FOXP4: variants seen among roughly 807,000 people sequenced by gnomAD.
The protein encoded by FOXP4 is forkhead box protein P4.
FOXP4 carries 25 observed loss-of-function variants against 82.6 expected under a neutral mutation model. The observed-to-expected ratio is 0.30, with a 90% CI of 0.22 to 0.42. FOXP4 has a LOEUF of 0.42. FOXP4 is among the 10% of genes least tolerant of loss of function. The pLI, the probability that FOXP4 is intolerant of heterozygous loss-of-function variation, is 1.00. For synonymous variants in FOXP4, 415 were observed against 388.2 expected (o/e 1.07, Z -0.81); for missense variants, 785 against 900.9 (o/e 0.87, Z 1.65).
At chr6:41,597,977 C>T (rs775416377) in intron 16 of FOXP4, 27 bp downstream of exon 16, 2 of 1,439,706 alleles carry the variant, frequency 1.4e-6, no homozygotes, top group Admixed American at 2.5e-5. Context: ...GACCCCCACC[C>T]ACCCCAGCAC....
chr6:41,590,075 C>T lies in FOXP4; in HGVS notation c.1262C>T (p.Pro421Leu). 1 of 1,613,904 alleles carries T rather than the reference C, an allele frequency of 6.2e-7. No homozygotes were observed. Among genetic ancestry groups the T allele is most frequent in the Non-Finnish European group, 8.5e-7 (1 of 1,179,976 alleles). ...PPTSAAAPVT[P>L]LRPPGLGSAS... is the part of the protein sequence containing the mutation. The stretch of plus-strand genomic sequence containing the variant: ...ACCTCGGCCGCAGCCCCTGTCACCC[C>T]TCTACGGCCCCCTGGCCTGGGCTCT... Residue 421 changes from proline (P) to leucine (L), a missense_variant, in exon 11 of 17, where the codon CCT (proline) becomes CTT (leucine). This residue lies in a region of FOXP4 where 570 missense variants were observed against 634.0 expected (regional missense o/e 0.90). Coordinates refer to ENST00000307972, the MANE Select transcript of FOXP4 (RefSeq NM_001012426.2).
chr6:41,572,618 G>C (rs970321761), intron 2 of FOXP4, among the ~76,000 whole-genome samples: 2 of 152,134 alleles, frequency 1.3e-5, no homozygotes, highest in Non-Finnish European at 2.9e-5. Context: ...CCTAAATCCA[G>C]CCAGTTCCCA....
chr6:41,588,573 G>C, intron 8 of FOXP4, 71 bp from the exon 9 acceptor site: 1 of 1,454,132 alleles, frequency 6.9e-7, no homozygotes, highest in Non-Finnish European at 9.7e-7. Context: ...GGGATTAGAG[G>C]ATAGGATGGG....
chr6:41,555,107 G>T (rs1247572181), intron 1 of FOXP4, among the ~76,000 whole-genome samples: 4 of 152,074 alleles, frequency 2.6e-5, no homozygotes, highest in African/African-American at 7.2e-5. Flanking sequence ...AAATTAGGGT[G>T]TGGTGGCATG....
intron 3 of FOXP4, among the ~76,000 whole-genome samples, chr6:41,580,892 C>G (rs1045875927): frequency 6.6e-6 from 1 of 152,230 alleles, no homozygotes; most frequent in African/African-American, 2.4e-5. Context: ...CGTTCACCAT[C>G]CCTCTCCTCC....
At chr6:41,551,714 G>T (rs1321823941) in intron 1 of FOXP4, among the ~76,000 whole-genome samples, 1 of 152,224 alleles carries the variant, frequency 6.6e-6, no homozygotes, top group African/African-American at 2.4e-5. Flanking sequence ...AGGTAGGCAG[G>T]ACTGGTGGGA....
Position 41,593,608 on chromosome 6 carries a change from G to A in FOXP4, c.1537-1262G>A, listed in dbSNP as rs1345696237. 3.3e-5 allele frequency among the ~76,000 whole-genome samples: 5 copies of A among 152,226 alleles called. No homozygotes were observed. Among genetic ancestry groups the A allele is most frequent in the Non-Finnish European group, 5.9e-5 (4 of 68,038 alleles). On this transcript the variant is annotated intron_variant, in intron 13 of 16. Coordinates refer to ENST00000307972, the MANE Select transcript of FOXP4 (RefSeq NM_001012426.2). This position sits in a 1 kb window ranked among gnomAD's most constrained non-coding sequence, Gnocchi z 4.1. The stretch of plus-strand genomic sequence containing the variant: ...ATTCTCATTTGCAAAGCGGAGGATC[G>A]GAGCCCCGTAATGCGGGCAAATTTA...
chr6:41,597,267 T>G (rs1766899770), intron 15 of FOXP4, 25 bp downstream of exon 15: 1 of 1,611,386 alleles, frequency 6.2e-7, no homozygotes, highest in Non-Finnish European at 8.5e-7. Context: ...GCCCACCCAC[T>G]CACCTCTACC....
At chr6:41,560,706 G>A (rs553092483) in intron 1 of FOXP4, among the ~76,000 whole-genome samples, 1 of 152,304 alleles carries the variant, frequency 6.6e-6, no homozygotes, top group Non-Finnish European at 1.5e-5. Context: ...TTTGGGGGAA[G>A]AAAACGTCAA....
At chr6:41,550,911 A>G (rs1763960157) in intron 1 of FOXP4, among the ~76,000 whole-genome samples, 1 of 152,208 alleles carries the variant, frequency 6.6e-6, no homozygotes. Flanking sequence ...ACACGTCCTT[A>G]TGGAAGATTT....
intron 2 of FOXP4, among the ~76,000 whole-genome samples, chr6:41,568,293 A>G (rs570047384): frequency 6.6e-6 from 1 of 152,206 alleles, no homozygotes; most frequent in East Asian, 1.9e-4. Context: ...TTGTTATCTC[A>G]CCATCCCTGC....
At chr6:41,594,469 G>T (rs562856275) in intron 13 of FOXP4, among the ~76,000 whole-genome samples, 1 of 152,312 alleles carries the variant, frequency 6.6e-6, no homozygotes, top group South Asian at 2.1e-4. Context: ...TCCTGGGCTC[G>T]CAGAGATGCC....
chr6:41,570,360 C>T, intron 2 of FOXP4: 1 of 471,248 alleles, frequency 2.1e-6, no homozygotes, highest in South Asian at 1.5e-5. Context: ...CTGGGGAATG[C>T]TCAGAAACTG....
At chr6:41,564,924 C>G (rs1764788641) in intron 1 of FOXP4, among the ~76,000 whole-genome samples, 1 of 152,192 alleles carries the variant, frequency 6.6e-6, no homozygotes, top group Non-Finnish European at 1.5e-5. Flanking sequence ...TTTGGACCTT[C>G]TGTGGCCTGG....
At chr6:41,566,361 A>G (rs1279408969) in intron 2 of FOXP4, among the ~76,000 whole-genome samples, 3 of 152,240 alleles carry the variant, frequency 2.0e-5, no homozygotes, top group African/African-American at 4.8e-5. Flanking sequence ...GGTGCTGTGC[A>G]CACAGGGGGA....
Position 41,601,507 on chromosome 6 carries a change from T to C in FOXP4, c.*2571T>C, listed in dbSNP as rs1273313538. 1.3e-5 allele frequency: 2 copies of C among 152,258 alleles called. No individual in the cohort carries two copies. The highest frequency in any genetic ancestry group is 4.8e-5 in the African/African-American group (2 of 41,434). 9.4% of individuals were successfully genotyped at this position (152,258 alleles called of 1,614,324 possible). On this transcript the variant is annotated 3_prime_UTR_variant, in exon 17 of 17. Coordinates refer to ENST00000307972, the MANE Select transcript of FOXP4 (RefSeq NM_001012426.2). ...TTTTTTTTAAGATGGAGTTTCGCTC[T>C]TATTGCCCAGACTGGAGTGCAGTGA...
chr6:41,588,873 G>C, intron 9 of FOXP4, 142 bp downstream of exon 9: 1 of 907,954 alleles, frequency 1.1e-6, no homozygotes, highest in Non-Finnish European at 1.7e-6. Flanking sequence ...TGCTTTCTAG[G>C]TCCTAATGAC....
chr6:41,568,829 G>A (rs986850510), intron 2 of FOXP4, among the ~76,000 whole-genome samples: 3 of 152,358 alleles, frequency 2.0e-5, no homozygotes, highest in East Asian at 1.9e-4. Flanking sequence ...TAAACAGGGC[G>A]AGTCAGAAGT....
At chr6:41,583,483 A>C (rs1020522198) in intron 3 of FOXP4, among the ~76,000 whole-genome samples, 1 of 152,170 alleles carries the variant, frequency 6.6e-6, no homozygotes, top group Non-Finnish European at 1.5e-5. Context: ...CTCCTCTCTG[A>C]CTGGGCTAGC....
Sources: allele counts gnomAD v4.1 joint callset (sites outside exome capture counted in the v4.1 genomes callset), GRCh38; gene constraint gnomAD v4.1.1; regional missense constraint gnomAD v4.1.1; non-coding constraint Gnocchi (gnomAD v3.1); transcripts MANE v1.5; gene names NCBI Gene and HGNC (gene_info 2026-07-23, HGNC 2026-07-21).